The following RAD18 variants were observed in gnomAD, a reference collection of about 807,000 sequenced individuals.
The protein encoded by RAD18 is E3 ubiquitin-protein ligase RAD18.
RAD18 carries 47 observed loss-of-function variants against 60.4 expected under a neutral mutation model. The observed-to-expected ratio is 0.78, with a 90% CI of 0.62 to 0.99. RAD18 has a LOEUF of 0.99. Ranked by LOEUF, RAD18 falls within the 50% of genes least tolerant of loss-of-function variation. The pLI, the probability that RAD18 is intolerant of heterozygous loss-of-function variation, is 0.00. For synonymous variants in RAD18, 225 were observed against 195.5 expected, an observed-to-expected ratio of 1.15 and a Z score of -1.26; for missense variants, 640 against 593.3, an observed-to-expected ratio of 1.08 and a Z score of -0.82.
intron 2 of RAD18, among the ~76,000 whole-genome samples, chr3:8,951,313 A>C (rs186040965): frequency 8.7e-4 from 132 of 152,358 alleles, no homozygotes; most frequent in African/African-American, 3.1e-3. Context: ...CTGACTTCTC[A>C]CAAACCACAG....
In RAD18 at chr3:8,958,925, T is replaced by C; in HGVS notation, c.128A>G (p.His43Arg). The C allele has an allele frequency of 1.9e-6, 3 of 1,611,864 alleles. No homozygotes were observed. Among genetic ancestry groups the C allele is most frequent in the East Asian group, 2.2e-5 (1 of 44,822 alleles). ...CAGGAACAAAACATACTTACAGTTA[T>C]GTGAACACTGAGGTATTATCATTGC... ...NIAMIIPQCS[H>R]NYCSLCIRKF... is the part of the protein sequence containing the mutation. Residue 43 changes from histidine (H) to arginine (R), a missense_variant, in exon 2 of 13, where the codon CAT becomes CGT. Physicochemically the swap from His to Arg is conservative, Grantham distance 29. Transcript: ENST00000264926.
chr3:8,947,011 A>G (rs1940849696), intron 4 of RAD18: 3 of 482,972 alleles, frequency 6.2e-6, no homozygotes, highest in Admixed American at 8.0e-5. Flanking sequence ...ACTCTTAATT[A>G]TTCTATACTA....
chr3:8,938,654 C>G (rs1940693290), intron 6 of RAD18, among the ~76,000 whole-genome samples: 1 of 152,148 alleles, frequency 6.6e-6, no homozygotes, highest in Non-Finnish European at 1.5e-5. Context: ...TTGTGCTCCT[C>G]ACTTTCTTCC....
chr3:8,932,219 A>G (rs1158062103), intron 7 of RAD18, among the ~76,000 whole-genome samples: 1 of 152,342 alleles, frequency 6.6e-6, no homozygotes, highest in East Asian at 1.9e-4. Context: ...CTCTTCAAAG[A>G]CATCATTAAG....
At chr3:8,891,750 T>C (rs192732772) in intron 11 of RAD18, among the ~76,000 whole-genome samples, 1 of 152,324 alleles carries the variant, frequency 6.6e-6, no homozygotes, top group East Asian at 1.9e-4. Flanking sequence ...TTTGGGAGGT[T>C]CAGAATTTTA....
chr3:8,942,872 C>G (rs955931683), intron 4 of RAD18, among the ~76,000 whole-genome samples: 2 of 152,150 alleles, frequency 1.3e-5, no homozygotes, highest in Non-Finnish European at 2.9e-5. Context: ...GAAGCTGATA[C>G]TGGTAAATTA....
intron 2 of RAD18, 148 bp from the exon 3 acceptor site, chr3:8,948,718 G>A (rs1940878098): frequency 1.6e-6 from 1 of 607,480 alleles, no homozygotes; most frequent in Non-Finnish European, 2.9e-6. Context: ...TCTACTCTAT[G>A]CACACTTACA....
chr3:8,882,133 G>A (rs916384311), intron 12 of RAD18, among the ~76,000 whole-genome samples: 6 of 108,682 alleles, frequency 5.5e-5, no homozygotes. Flanking sequence ...CGGGGGACAG[G>A]AAGAAGTCAA....
At chr3:8,940,601 A>G (rs572136437) in intron 5 of RAD18, among the ~76,000 whole-genome samples, 109 of 152,334 alleles carry the variant, frequency 7.2e-4, no homozygotes, top group African/African-American at 2.4e-3. Flanking sequence ...GGTGCTCTAA[A>G]CTTCACTGGA....
chr3:8,949,610 T>C (rs1165114475), intron 2 of RAD18, among the ~76,000 whole-genome samples: 1 of 152,086 alleles, frequency 6.6e-6, no homozygotes, highest in Non-Finnish European at 1.5e-5. Flanking sequence ...CCAACAACTT[T>C]TCGTAGATCC....
At chr3:8,946,605 T>G (rs537986103) in intron 4 of RAD18, among the ~76,000 whole-genome samples, 1 of 152,338 alleles carries the variant, frequency 6.6e-6, no homozygotes, top group South Asian at 2.1e-4. Flanking sequence ...ATTCATGCAT[T>G]TGACAGGAAG....
intron 2 of RAD18, among the ~76,000 whole-genome samples, chr3:8,952,966 T>C (rs1466785791): frequency 6.6e-6 from 1 of 152,150 alleles, no homozygotes; most frequent in Non-Finnish European, 1.5e-5. Flanking sequence ...GTATTTAATA[T>C]ACCTATCTCT....
chr3:8,891,075 A>AAAATATATATATAT (rs1384962578), intron 11 of RAD18, among the ~76,000 whole-genome samples: 1 of 25,980 alleles, frequency 3.8e-5, no homozygotes, highest in African/African-American at 7.3e-5. Flanking sequence ...ATATATATAA[A>AAAATATATATATAT]ATATATATAT....
chr3:8,926,542 G>A (rs1299518783), intron 7 of RAD18, among the ~76,000 whole-genome samples: 1 of 152,154 alleles, frequency 6.6e-6, no homozygotes, highest in Non-Finnish European at 1.5e-5. Context: ...TTTCTTCACA[G>A]AATTGGAAAA....
intron 7 of RAD18, among the ~76,000 whole-genome samples, chr3:8,925,457 T>C (rs1391520665): frequency 1.3e-5 from 2 of 152,118 alleles, no homozygotes; most frequent in Admixed American, 1.3e-4. Context: ...ACCAGACAGA[T>C]TCACAGCCGA....
intron 12 of RAD18, among the ~76,000 whole-genome samples, chr3:8,887,027 C>G (rs1458314863): frequency 6.6e-6 from 1 of 152,208 alleles, no homozygotes; most frequent in Admixed American, 6.5e-5. Context: ...GGCAGAGAGA[C>G]AGCTAGACAG....
intron 9 of RAD18, among the ~76,000 whole-genome samples, chr3:8,905,285 CCTCT>C (rs951814204): frequency 1.2e-4 from 18 of 152,260 alleles, no homozygotes; most frequent in African/African-American, 3.4e-4. Context: ...ATCCTTTGTG[CCTCT>C]CTAAGTTTAA....
In RAD18 at chr3:8,879,794, T is replaced by C. The variant is rs1288223050; in HGVS notation, c.*1563A>G. ...AGTGACAGACATAGATAACCAAATA[T>C]TTGCTGAATGAACTCATGTGCCTAC... On this transcript the variant is annotated 3_prime_UTR_variant, in exon 13 of 13. Coordinates refer to ENST00000264926, the MANE Select transcript of RAD18 (RefSeq NM_020165.4). 1.3e-5 allele frequency: 2 copies of C among 152,250 alleles called. No homozygotes were observed. Among genetic ancestry groups the C allele is most frequent in the East Asian group, 3.8e-4 (2 of 5,204 alleles). The allele number at this position is 152,250 out of a possible 1,614,324, so 9.4% of individuals were successfully genotyped here.
At chr3:8,953,507 T>C (rs1559801056) in intron 2 of RAD18, among the ~76,000 whole-genome samples, 1 of 152,180 alleles carries the variant, frequency 6.6e-6, no homozygotes, top group African/African-American at 2.4e-5. Flanking sequence ...TAATTTATTC[T>C]CTAGTGGGCA....
Sources: allele counts gnomAD v4.1 joint callset (sites outside exome capture counted in the v4.1 genomes callset), GRCh38; gene constraint gnomAD v4.1.1; transcripts MANE v1.5; gene names NCBI Gene and HGNC (gene_info 2026-07-23, HGNC 2026-07-21).